Variants in NUMB observed in about 807,000 individuals in gnomAD.
NUMB encodes protein numb homolog.
Under a neutral mutation model 59.7 loss-of-function variants are expected in NUMB, and 29 were observed. That is an observed-to-expected ratio of 0.49 (90% CI 0.36 to 0.66). The LOEUF is 0.66. Among genes scored for constraint, NUMB ranks in the 30% least tolerant of loss-of-function variants. The probability of loss-of-function intolerance (pLI) is 0.00; values close to 1 mark genes in which losing one functional copy is unlikely to be tolerated. For synonymous variants in NUMB, 288 were observed against 288.2 expected (o/e 1.00, Z 0.01); for missense variants, 723 against 822.0 (o/e 0.88, Z 1.47).
intron 6 of NUMB, among the ~76,000 whole-genome samples, chr14:73,308,396 A>G (rs529680816): frequency 6.6e-6 from 1 of 152,314 alleles, no homozygotes; most frequent in East Asian, 1.9e-4. Context: ...GTGACATATT[A>G]AAGTGTGAGG....
intron 4 of NUMB, among the ~76,000 whole-genome samples, chr14:73,354,377 G>A (rs985418750): frequency 6.6e-6 from 1 of 151,856 alleles, no homozygotes; most frequent in African/African-American, 2.4e-5. Flanking sequence ...TGGGCGTGGT[G>A]GTGCATGCCT....
chr14:73,348,235 G>A (rs1893014680), intron 4 of NUMB, among the ~76,000 whole-genome samples: 1 of 152,174 alleles, frequency 6.6e-6, no homozygotes, highest in Admixed American at 6.5e-5. Flanking sequence ...ATTGTACTCT[G>A]GGAGTCAGTT....
intron 7 of NUMB, among the ~76,000 whole-genome samples, chr14:73,295,921 C>T (rs2139842285): frequency 6.6e-6 from 1 of 152,178 alleles, no homozygotes; most frequent in East Asian, 1.9e-4. Context: ...TAAATGTTAA[C>T]CAAAGAGCCA....
intron 2 of NUMB, among the ~76,000 whole-genome samples, chr14:73,374,995 A>G (rs950153308): frequency 1.4e-4 from 21 of 152,310 alleles, no homozygotes; most frequent in African/African-American, 5.1e-4. Flanking sequence ...TGCGTGAGCC[A>G]CTGCGCCTGG....
intron 2 of NUMB, among the ~76,000 whole-genome samples, chr14:73,377,633 C>T (rs183903428): frequency 1.3e-5 from 2 of 152,100 alleles, no homozygotes; most frequent in Admixed American, 6.5e-5. Flanking sequence ...GAGACTCCGT[C>T]TCAAACAAAC....
chr14:73,341,587 T>C (rs1270818384), intron 4 of NUMB, among the ~76,000 whole-genome samples: 1 of 152,178 alleles, frequency 6.6e-6, no homozygotes, highest in Admixed American at 6.5e-5. Flanking sequence ...TGAGGTCTGC[T>C]ATGTTGCCGA....
chr14:73,284,828 G>A (rs1279234151), intron 9 of NUMB: 5 of 142,510 alleles, frequency 3.5e-5, no homozygotes, highest in African/African-American at 1.3e-4. Flanking sequence ...ATATATAACA[G>A]TCTTTATTTA....
At chr14:73,414,885 A>C (rs1897060714) in intron 1 of NUMB, among the ~76,000 whole-genome samples, 1 of 151,924 alleles carries the variant, frequency 6.6e-6, no homozygotes, top group African/African-American at 2.4e-5. Flanking sequence ...ACGCCCAGCT[A>C]ATTTTTTTGT....
At chr14:73,432,633 T>C (rs1897881196) in intron 1 of NUMB, among the ~76,000 whole-genome samples, 3 of 152,130 alleles carry the variant, frequency 2.0e-5, no homozygotes. Flanking sequence ...CATATCATGT[T>C]TATTAACATT....
At chr14:73,348,110 C>T (rs1356482064) in intron 4 of NUMB, among the ~76,000 whole-genome samples, 1 of 152,176 alleles carries the variant, frequency 6.6e-6, no homozygotes, top group African/African-American at 2.4e-5. Flanking sequence ...GTATTCCAAG[C>T]TCACTGGTCT....
At chr14:73,310,251 C>T (rs1890703672) in intron 6 of NUMB, among the ~76,000 whole-genome samples, 1 of 152,178 alleles carries the variant, frequency 6.6e-6, no homozygotes, top group South Asian at 2.1e-4. Flanking sequence ...ATAGCTGCTA[C>T]TCAGGTCAGG....
intron 2 of NUMB, among the ~76,000 whole-genome samples, chr14:73,371,531 C>A (rs1467681915): frequency 1.3e-5 from 2 of 150,336 alleles, no homozygotes; most frequent in Non-Finnish European, 3.0e-5. Flanking sequence ...AAGACTCCAT[C>A]TCAAAAAAAA....
chr14:73,376,972 CT>C (rs1894979178), intron 2 of NUMB, among the ~76,000 whole-genome samples: 1 of 152,130 alleles, frequency 6.6e-6, no homozygotes. Flanking sequence ...AAAAGACAGT[CT>C]TTTTCAACAA....
rs554874080 is a variant in NUMB, at chr14:73,380,110, C to A, written c.-100-13129G>T. On this transcript the variant is annotated intron_variant, in intron 2 of 12. Coordinates refer to ENST00000555238, the MANE Select transcript of NUMB (RefSeq NM_001005743.2). ...GGAGATGGTCCACTTCCTGTTTGCG[C>A]CCCCAGCTCCAGGAGAAACCGCATC... Among the ~76,000 whole-genome samples the A allele has an allele frequency of 2.6e-5, 4 of 152,256 alleles. No homozygotes were observed. The South Asian group carries it at 6.2e-4, about 24-fold the overall frequency.
chr14:73,348,099 T>G (rs1364788639), intron 4 of NUMB, among the ~76,000 whole-genome samples: 4 of 152,192 alleles, frequency 2.6e-5, no homozygotes, highest in Non-Finnish European at 5.9e-5. Context: ...TGGAAAACCT[T>G]GTATTCCAAG....
intron 4 of NUMB, among the ~76,000 whole-genome samples, chr14:73,344,508 C>T (rs924895067): frequency 3.0e-4 from 45 of 152,184 alleles, no homozygotes; most frequent in Non-Finnish European, 1.2e-4. Context: ...CTTAATAGAG[C>T]AAAATGTTGG....
chr14:73,429,893 C>T (rs748907501), intron 1 of NUMB, among the ~76,000 whole-genome samples: 1 of 150,454 alleles, frequency 6.6e-6, no homozygotes, highest in Non-Finnish European at 1.5e-5. Context: ...TGTAATGAGC[C>T]GAGATCGCAC....
At chr14:73,326,142 T>C (rs1891648881) in intron 4 of NUMB, among the ~76,000 whole-genome samples, 1 of 152,102 alleles carries the variant, frequency 6.6e-6, no homozygotes, top group Admixed American at 6.6e-5. Context: ...CATGAATTTG[T>C]TTGTGAATTC....
At chr14:73,407,993 C>T (rs545350055) in intron 2 of NUMB, among the ~76,000 whole-genome samples, 79 of 152,110 alleles carry the variant, frequency 5.2e-4, no homozygotes, top group Admixed American at 1.0e-3. Context: ...TTTGGGAGGC[C>T]GAGGCGGGCA....
Sources: gnomAD v4.1 joint callset for allele counts (sites outside exome capture counted in the v4.1 genomes callset) on GRCh38, gnomAD v4.1.1 for gene constraint, MANE v1.5 for transcripts, NCBI Gene and HGNC (gene_info 2026-07-23, HGNC 2026-07-21) for gene names.